LRP1B: variants seen among roughly 807,000 people sequenced by gnomAD.
The protein encoded by LRP1B is low-density lipoprotein receptor-related protein 1B.
In LRP1B, 217 loss-of-function variants were observed where a neutral mutation model predicts 556.6. The ratio of observed to expected loss-of-function variants is 0.39; its 90% CI spans 0.35 to 0.44. The LOEUF is 0.44. Ranked by LOEUF, LRP1B falls within the 20% of genes least tolerant of loss-of-function variation. The pLI, the probability that LRP1B is intolerant of heterozygous loss-of-function variation, is 1.00. For synonymous variants in LRP1B, 2,047 were observed against 1,865.8 expected (o/e 1.10, Z -2.50); for missense variants, 5,053 against 5,620.8 (o/e 0.90, Z 3.23).
chr2:140,657,582 T>TATATACAC, intron 41 of LRP1B, among the ~76,000 whole-genome samples: 1 of 47,348 alleles, frequency 2.1e-5, no homozygotes, highest in Admixed American at 2.4e-4. Context: ...CATACATATA[T>TATATACAC]ATACATACAT....
At chr2:140,591,257 A>C (rs1682212116) in intron 43 of LRP1B, among the ~76,000 whole-genome samples, 1 of 152,200 alleles carries the variant, frequency 6.6e-6, no homozygotes, top group South Asian at 2.1e-4. Context: ...CTTTTTTATA[A>C]TATACTTGAT....
intron 1 of LRP1B, among the ~76,000 whole-genome samples, chr2:141,968,844 A>G (rs887815685): frequency 1.3e-5 from 2 of 151,726 alleles, no homozygotes; most frequent in Non-Finnish European, 3.0e-5. Context: ...CATCTTCCAG[A>G]TTTGCTTAAT....
chr2:140,782,644 G>A (rs12614258), intron 32 of LRP1B, among the ~76,000 whole-genome samples: 62,849 of 151,680 alleles, frequency 0.41, 13,245 homozygotes, highest in African/African-American at 0.48. Context: ...AGGAATTAAT[G>A]GATTATTTTA....
intron 16 of LRP1B, among the ~76,000 whole-genome samples, chr2:140,991,641 AG>A (rs1697095760): frequency 6.6e-6 from 1 of 152,144 alleles, no homozygotes; most frequent in Admixed American, 6.6e-5. Context: ...CAAATAAGTA[AG>A]CAAATAATTT....
intron 2 of LRP1B, among the ~76,000 whole-genome samples, chr2:141,675,326 C>A (rs1224713409): frequency 1.3e-5 from 2 of 151,426 alleles, no homozygotes; most frequent in Non-Finnish European, 3.0e-5. Context: ...TCTTTTTTCC[C>A]AGCTTAAAGT....
At chr2:141,580,569 C>A (rs1686929406) in intron 2 of LRP1B, among the ~76,000 whole-genome samples, 1 of 152,182 alleles carries the variant, frequency 6.6e-6, no homozygotes, top group Non-Finnish European at 1.5e-5. Context: ...TTCCTACTTC[C>A]TCATATTCCC....
chr2:141,504,467 A>G (rs989855132), intron 2 of LRP1B, among the ~76,000 whole-genome samples: 1 of 152,170 alleles, frequency 6.6e-6, no homozygotes, highest in African/African-American at 2.4e-5. Context: ...GAAATCATTT[A>G]TGTTCAGAAA....
chr2:141,424,174 C>A (rs1007260252), intron 3 of LRP1B, among the ~76,000 whole-genome samples: 1 of 143,160 alleles, frequency 7.0e-6, no homozygotes, highest in African/African-American at 2.6e-5. Flanking sequence ...AGGGCAAAGG[C>A]GCAATCTTGG....
intron 2 of LRP1B, among the ~76,000 whole-genome samples, chr2:141,578,185 A>G (rs1686824764): frequency 6.6e-6 from 1 of 152,078 alleles, no homozygotes; most frequent in African/African-American, 2.4e-5. Flanking sequence ...CATGAGGTCA[A>G]GAGCTTGAGA....
At chr2:140,994,602 A>G (rs1228224766) in intron 15 of LRP1B, among the ~76,000 whole-genome samples, 1 of 152,004 alleles carries the variant, frequency 6.6e-6, no homozygotes, top group Admixed American at 6.6e-5. Flanking sequence ...ATTTGCTGAG[A>G]GTAGATTGCA....
chr2:140,258,919 T>TC (rs1236496671), intron 86 of LRP1B, among the ~76,000 whole-genome samples: 1 of 152,152 alleles, frequency 6.6e-6, no homozygotes, highest in African/African-American at 2.4e-5. Context: ...ATCTATTTTT[T>TC]CAAACCTATG....
chr2:141,603,249 T>C (rs984277988), intron 2 of LRP1B, among the ~76,000 whole-genome samples: 27 of 152,206 alleles, frequency 1.8e-4, no homozygotes, highest in Non-Finnish European at 1.6e-4. Flanking sequence ...TGGTCTCCTA[T>C]AGGTGCCAAT....
chr2:141,128,601 C>T (rs1415771532), intron 7 of LRP1B, among the ~76,000 whole-genome samples: 1 of 152,140 alleles, frequency 6.6e-6, no homozygotes, highest in African/African-American at 2.4e-5. Context: ...TAGAAAGAAA[C>T]TACCTTAACA....
At chr2:140,663,652 C>G (rs1685171527) in intron 41 of LRP1B, among the ~76,000 whole-genome samples, 1 of 152,152 alleles carries the variant, frequency 6.6e-6, no homozygotes, top group African/African-American at 2.4e-5. Context: ...GTTTGACCTT[C>G]TCTCCCGACC....
intron 7 of LRP1B, among the ~76,000 whole-genome samples, chr2:141,139,811 G>C: frequency 7.1e-6 from 1 of 141,810 alleles, no homozygotes; most frequent in Admixed American, 6.9e-5. Flanking sequence ...GTGTGTGTGT[G>C]TGTGTGTGTA....
intron 11 of LRP1B, among the ~76,000 whole-genome samples, chr2:141,035,382 C>A (rs549986925): frequency 6.6e-6 from 1 of 151,608 alleles, no homozygotes; most frequent in Non-Finnish European, 1.5e-5. Context: ...ATAAAAAAAT[C>A]TTTTCAGTAT....
At chr2:142,041,543 C>CA (rs1414187631) in intron 1 of LRP1B, among the ~76,000 whole-genome samples, 1 of 151,322 alleles carries the variant, frequency 6.6e-6, no homozygotes, top group South Asian at 2.1e-4. Context: ...AAAACAACAA[C>CA]AAAAAAGCCT....
At chr2:141,102,155 C>T (rs553395276) in intron 7 of LRP1B, among the ~76,000 whole-genome samples, 85 of 152,210 alleles carry the variant, frequency 5.6e-4, no homozygotes, top group African/African-American at 1.5e-3. Flanking sequence ...TCTCCACTCC[C>T]AAGTGTGCCT....
At chr2:141,285,098 A>ATT (rs543994866) in intron 3 of LRP1B, among the ~76,000 whole-genome samples, 189 of 135,672 alleles carry the variant, frequency 1.4e-3, no homozygotes, top group East Asian at 0.01. Context: ...CCCATATTTC[A>ATT]TTTTTTTTTT....
Sources: gnomAD v4.1 joint callset for allele counts (sites outside exome capture counted in the v4.1 genomes callset) on GRCh38, gnomAD v4.1.1 for gene constraint, MANE v1.5 for transcripts, NCBI Gene and HGNC (gene_info 2026-07-23, HGNC 2026-07-21) for gene names.